The following DLG2 variants were observed in gnomAD, a reference collection of about 807,000 sequenced individuals.
DLG2 encodes the protein discs large MAGUK scaffold protein 2, also known as disks large homolog 2.
In DLG2, 45 loss-of-function variants were observed where a neutral mutation model predicts 132.5. The observed-to-expected ratio is 0.34, with a 90% CI of 0.27 to 0.44. The LOEUF (loss-of-function observed/expected upper bound fraction) is 0.44, where lower values mean the gene tolerates loss of function less well. Among genes scored for constraint, DLG2 ranks in the 20% least tolerant of loss-of-function variants. The pLI is 1.00. For synonymous variants in DLG2, 424 were observed against 419.6 expected (o/e 1.01, Z -0.13); for missense variants, 1,045 against 1,196.9 (o/e 0.87, Z 1.87).
chr11:83,653,391 C>T (rs1323587813), intron 18 of DLG2, among the ~76,000 whole-genome samples: 1 of 152,200 alleles, frequency 6.6e-6, no homozygotes, highest in Non-Finnish European at 1.5e-5. Context: ...TCTCCTGTGT[C>T]CATATATAAT....
intron 3 of DLG2, among the ~76,000 whole-genome samples, chr11:85,535,080 T>G (rs1037735933): frequency 1.3e-5 from 2 of 152,170 alleles, no homozygotes; most frequent in African/African-American, 2.4e-5. Context: ...TGTATTTCTG[T>G]GATGATTAGG....
chr11:85,487,472 G>A (rs1356060269), intron 3 of DLG2, among the ~76,000 whole-genome samples: 2 of 147,220 alleles, frequency 1.4e-5, no homozygotes, highest in African/African-American at 2.5e-5. Context: ...AAAAAGATAG[G>A]TATTTCTAAA....
At chr11:85,207,139 C>T (rs945332693) in intron 4 of DLG2, among the ~76,000 whole-genome samples, 1 of 152,136 alleles carries the variant, frequency 6.6e-6, no homozygotes, top group African/African-American at 2.4e-5. Flanking sequence ...ATCCCTATTG[C>T]TCATCCATAA....
chr11:84,203,942 G>T (rs978250370), intron 8 of DLG2, among the ~76,000 whole-genome samples: 1 of 152,110 alleles, frequency 6.6e-6, no homozygotes, highest in Non-Finnish European at 1.5e-5. Context: ...TAAAATAAAA[G>T]TCGGGGAAAA....
In DLG2 at chr11:83,456,622, G is replaced by A. The variant is rs1446418235; in HGVS notation, c.*3196C>T. 2 of 148,618 alleles carry A rather than the reference G, an allele frequency of 1.3e-5. No individual in the cohort carries two copies. Among genetic ancestry groups the A allele is most frequent in the East Asian group, 4.0e-4 (2 of 5,048 alleles). The allele number at this position is 148,618 out of a possible 1,614,324, so 9.2% of individuals were successfully genotyped here. On this transcript the variant is annotated 3_prime_UTR_variant, in exon 28 of 28. Transcript: ENST00000376104. ...AGGAGAAAGTCAACAACTCAGAGAT[G>A]GTGGGAAGGAGGAATAGGAAAAGGA...
chr11:83,477,041 G>A (rs1259188869), intron 22 of DLG2, among the ~76,000 whole-genome samples: 1 of 152,070 alleles, frequency 6.6e-6, no homozygotes, highest in Non-Finnish European at 1.5e-5. Context: ...ACTCAGATTA[G>A]TTCTTCAAGA....
chr11:84,228,666 G>C (rs890714013), intron 8 of DLG2, among the ~76,000 whole-genome samples: 1 of 152,158 alleles, frequency 6.6e-6, no homozygotes, highest in Non-Finnish European at 1.5e-5. Context: ...GCATAATTTT[G>C]AGAGACCAAA....
In DLG2 at chr11:83,821,994, C is replaced by G. The variant is rs143136112; in HGVS notation, c.1722+11620G>C. On this transcript the variant is annotated intron_variant, in intron 17 of 27. Transcript: ENST00000376104. ...GGATGGAAAGGCAGGAGGAACTTGT[C>G]GAAAGATATTAAGTGGAGGAGTAAC... Among the ~76,000 whole-genome samples, 176 of 152,142 alleles carry G rather than the reference C, an allele frequency of 1.2e-3. 3 individuals are homozygous for G. In the East Asian group the frequency reaches 0.027, roughly 24 times the overall value.
chr11:83,897,174 G>GCTAA (rs1399062136), intron 15 of DLG2, among the ~76,000 whole-genome samples: 1 of 152,200 alleles, frequency 6.6e-6, no homozygotes, highest in African/African-American at 2.4e-5. Context: ...AGCCAGCAGA[G>GCTAA]CTAAGTTCAA....
intron 7 of DLG2, among the ~76,000 whole-genome samples, chr11:84,298,525 A>G (rs2098118286): frequency 6.6e-6 from 1 of 152,210 alleles, no homozygotes; most frequent in East Asian, 1.9e-4. Context: ...TCACTCATAA[A>G]CATTTTCAGG....
intron 6 of DLG2, among the ~76,000 whole-genome samples, chr11:85,098,687 C>A (rs2070333063): frequency 6.6e-6 from 1 of 152,072 alleles, no homozygotes; most frequent in Non-Finnish European, 1.5e-5. Context: ...TTACATTATG[C>A]AAAAATTTTG....
intron 3 of DLG2, among the ~76,000 whole-genome samples, chr11:85,363,133 CCA>C (rs1168475791): frequency 2.0e-5 from 3 of 152,164 alleles, no homozygotes; most frequent in African/African-American, 7.2e-5. Flanking sequence ...ACCAAATTAT[CCA>C]CACAGTTTAC....
At chr11:83,820,651 G>A (rs2050512231) in intron 17 of DLG2, among the ~76,000 whole-genome samples, 3 of 152,052 alleles carry the variant, frequency 2.0e-5, no homozygotes, top group Admixed American at 1.3e-4. Flanking sequence ...TTGTTCCTGG[G>A]GCAGAAAATA....
intron 6 of DLG2, among the ~76,000 whole-genome samples, chr11:84,978,266 T>A (rs1030419515): frequency 1.3e-5 from 2 of 152,158 alleles, no homozygotes. Context: ...TTCATCCCCA[T>A]CAAGCTACCA....
chr11:83,707,777 G>A (rs1223101667), intron 18 of DLG2, among the ~76,000 whole-genome samples: 3 of 152,210 alleles, frequency 2.0e-5, no homozygotes, highest in Admixed American at 1.3e-4. Context: ...CACGGTTCTT[G>A]AAAGCAGGAA....
intron 3 of DLG2, among the ~76,000 whole-genome samples, chr11:85,540,434 G>C (rs1180162290): frequency 6.6e-6 from 1 of 152,186 alleles, no homozygotes; most frequent in Non-Finnish European, 1.5e-5. Context: ...GTAGTGATCA[G>C]AGGAGATGCC....
At chr11:84,521,431 G>C (rs557511607) in intron 7 of DLG2, among the ~76,000 whole-genome samples, 1 of 152,120 alleles carries the variant, frequency 6.6e-6, no homozygotes, top group Non-Finnish European at 1.5e-5. Context: ...GGCTGCCTTG[G>C]GAAAGTCTCA....
intron 19 of DLG2, among the ~76,000 whole-genome samples, chr11:83,553,705 G>T (rs150924506): frequency 2.2e-4 from 34 of 152,108 alleles, no homozygotes; most frequent in South Asian, 6.2e-4. Flanking sequence ...CACCCAGTAA[G>T]GTTCTGTTCA....
chr11:84,373,750 T>C (rs1301409040), intron 7 of DLG2, among the ~76,000 whole-genome samples: 1 of 152,198 alleles, frequency 6.6e-6, no homozygotes, highest in East Asian at 1.9e-4. Context: ...CTAGGAGTTG[T>C]TGATTATTTT....
Sources: gnomAD v4.1 joint callset for allele counts (sites outside exome capture counted in the v4.1 genomes callset) on GRCh38, gnomAD v4.1.1 for gene constraint, MANE v1.5 for transcripts, NCBI Gene and HGNC (gene_info 2026-07-23, HGNC 2026-07-21) for gene names.